Variants in AP5M1 observed in about 807,000 individuals in gnomAD.
The protein encoded by AP5M1 is adaptor related protein complex 5 subunit mu 1.
A neutral mutation model predicts 52.3 loss-of-function variants in AP5M1; 44 were observed. That is an observed-to-expected ratio of 0.84 (90% CI 0.66 to 1.08). The LOEUF is 1.08. Among genes scored for constraint, AP5M1 ranks in the 50% least tolerant of loss-of-function variants. AP5M1 has a pLI of 0.00. For missense variants in AP5M1, 526 were observed against 568.4 expected (o/e 0.93, Z 0.76); for synonymous variants, 213 against 199.0 (o/e 1.07, Z -0.59).
In AP5M1 at chr14:57,269,351, C is replaced by A; in HGVS notation, c.37C>A (p.Pro13Thr). The change falls in exon 1 of 8, where the codon CCG (proline) becomes ACG (threonine). Residue 13 changes from proline (P) to threonine (T), a missense_variant. Transcript: ENST00000261558. Reference protein sequence around the residue: ...QRAVWLISHEPGTPLCGTVRF... With the variant: ...QRAVWLISHETGTPLCGTVRF... ...GGCAGTGTGGCTCATAAGCCACGAACCGGGAACTCCACTTTGTGGCACCGT... is the reference window on the plus strand; with the variant it reads ...GGCAGTGTGGCTCATAAGCCACGAAACGGGAACTCCACTTTGTGGCACCGT... 6.2e-7 allele frequency: 1 copy of A among 1,614,138 alleles called. No individual in the cohort carries two copies. The highest frequency in any genetic ancestry group is 8.5e-7 in the Non-Finnish European group (1 of 1,180,016).
At position 57,289,383 on chromosome 14, in the gene AP5M1, C is replaced by G. The variant is rs772809492; in HGVS notation, c.*499C>G. The G allele has an allele frequency of 3.3e-5, 5 of 152,086 alleles. No individual in the cohort carries two copies. Among genetic ancestry groups the G allele is most frequent in the Non-Finnish European group, 7.3e-5 (5 of 68,060 alleles). The allele number at this position is 152,086 out of a possible 1,614,324, so 9.4% of individuals were successfully genotyped here. On this transcript the variant is annotated 3_prime_UTR_variant, in exon 8 of 8. Coordinates refer to ENST00000261558, the MANE Select transcript of AP5M1 (RefSeq NM_018229.4). The stretch of plus-strand genomic sequence containing the variant: ...TAGTATAAGGTGTTGTTACAGAATA[C>G]CAGAGACCATGTTAGAGACAACTAC...
intron 2 of AP5M1, chr14:57,278,356 T>C (rs1885089136): frequency 6.6e-6 from 1 of 152,194 alleles, no homozygotes; most frequent in African/African-American, 2.4e-5. Flanking sequence ...GAAACTGCCA[T>C]ATCTGTCTGT....
chr14:57,276,004 G>C (rs1035932558), intron 2 of AP5M1, among the ~76,000 whole-genome samples: 1 of 151,920 alleles, frequency 6.6e-6, no homozygotes, highest in South Asian at 2.1e-4. Flanking sequence ...AAATATTATA[G>C]AATAAAACTA....
intron 6 of AP5M1, among the ~76,000 whole-genome samples, chr14:57,284,926 A>C (rs1348679280): frequency 6.6e-5 from 10 of 152,192 alleles, no homozygotes; most frequent in Non-Finnish European, 4.4e-5. Flanking sequence ...GGGTAGCTAA[A>C]AATCTAAAGC....
rs1885567453 is a variant in AP5M1 at position 57,297,018 on chromosome 14, A to G, written c.*8134A>G. The G allele has an allele frequency of 6.6e-6, 1 of 152,016 alleles. No individual in the cohort carries two copies. Among genetic ancestry groups the G allele is most frequent in the African/African-American group, 2.4e-5 (1 of 41,398 alleles). The allele number at this position is 152,016 out of a possible 1,614,324, so 9.4% of individuals were successfully genotyped here. On this transcript the variant is annotated 3_prime_UTR_variant, in exon 8 of 8. Coordinates refer to ENST00000261558, the MANE Select transcript of AP5M1 (RefSeq NM_018229.4). ...AAAGGGCACACCGTGGGGGCAGCAT[A>G]TCTCCATGGGTCTATCTCTAGCAAA...
intron 6 of AP5M1, among the ~76,000 whole-genome samples, chr14:57,284,333 A>T (rs1171354657): frequency 6.6e-6 from 1 of 152,208 alleles, no homozygotes; most frequent in African/African-American, 2.4e-5. Flanking sequence ...TTAGATTAAG[A>T]TTATAGAGGG....
At chr14:57,284,057 G>T (rs1022671406) in intron 6 of AP5M1, among the ~76,000 whole-genome samples, 2 of 152,180 alleles carry the variant, frequency 1.3e-5, no homozygotes, top group African/African-American at 4.8e-5. Flanking sequence ...GAATTTTTCA[G>T]TGTTGCACAT....
intron 6 of AP5M1, among the ~76,000 whole-genome samples, chr14:57,284,058 T>C (rs1292605189): frequency 4.6e-5 from 7 of 152,210 alleles, no homozygotes. Context: ...AATTTTTCAG[T>C]GTTGCACATC....
rs1436353989 is a variant in AP5M1 at position 57,296,599 on chromosome 14, A to G, written c.*7715A>G. ...AGTAATATTTGTAGCTTGTTAACCAACTGGAGCAAAAGGACTTTTTAATAT... is the reference window on the plus strand; with the variant it reads ...AGTAATATTTGTAGCTTGTTAACCAGCTGGAGCAAAAGGACTTTTTAATAT... On this transcript the variant is annotated 3_prime_UTR_variant, in exon 8 of 8. Coordinates refer to ENST00000261558, the MANE Select transcript of AP5M1 (RefSeq NM_018229.4). 6.6e-6 allele frequency: 1 copy of G among 152,098 alleles called. No homozygotes were observed. The highest frequency in any genetic ancestry group is 1.5e-5 in the Non-Finnish European group (1 of 67,980). 9.4% of individuals were successfully genotyped at this position (152,098 alleles called of 1,614,324 possible). A position where few individuals can be genotyped will look rare whatever the true frequency, so the allele number is the denominator to read the frequency against.
chr14:57,269,220 G>A lies in AP5M1; in HGVS notation c.-95G>A, dbSNP rs1300662882. ...TATGCGGCGCAGGATGAGCCTCAGG[G>A]CTTCTGTTAAGAGTCTGTCTGAGAA... On this transcript the variant is annotated 5_prime_UTR_variant, in exon 1 of 8. Coordinates refer to ENST00000261558, the MANE Select transcript of AP5M1 (RefSeq NM_018229.4). 4.1e-6 allele frequency: 5 copies of A among 1,206,152 alleles called. No homozygotes were observed. Among genetic ancestry groups the A allele is most frequent in the African/African-American group, 1.5e-5 (1 of 65,872 alleles). The allele number at this position is 1,206,152 out of a possible 1,614,324, so 74.7% of individuals were successfully genotyped here.
In AP5M1 at chr14:57,298,732, T is replaced by C. The variant is rs940187398; in HGVS notation, c.*9848T>C. 2.0e-5 allele frequency: 3 copies of C among 152,206 alleles called. No individual in the cohort carries two copies. Among genetic ancestry groups the C allele is most frequent in the Non-Finnish European group, 4.4e-5 (3 of 68,036 alleles). The allele number at this position is 152,206 out of a possible 1,614,324, so 9.4% of individuals were successfully genotyped here. On this transcript the variant is annotated 3_prime_UTR_variant, in exon 8 of 8. Transcript: ENST00000261558. ...GGGTGTTTGGAGTTAATAAAATGGC[T>C]GTACAATTGAGTGGGTGTAAGTGTT...
chr14:57,283,160 C>A lies in AP5M1; in HGVS notation c.1223C>A (p.Thr408Asn). The change falls in exon 6 of 8, where the codon ACT (threonine) becomes AAT (asparagine). Residue 408 changes from threonine (T) to asparagine (N), a missense_variant. Transcript: ENST00000261558. ...GAAATTAGTCTTTCTGGAACTGTAA[C>A]TTTTGGAGCCAAGAGCCATGAGAAG... ...SMEISLSGTV[T>N]FGAKSHEKQP... 2 of 1,613,802 alleles carry A rather than the reference C, an allele frequency of 1.2e-6. No homozygotes were observed. Among genetic ancestry groups the A allele is most frequent in the East Asian group, 4.5e-5 (2 of 44,832 alleles).
intron 1 of AP5M1, chr14:57,271,381 C>G (rs1884892674): frequency 6.6e-6 from 1 of 152,216 alleles, no homozygotes; most frequent in Admixed American, 6.5e-5. Flanking sequence ...TCCCGTATCT[C>G]CATTCTTTCC....
intron 1 of AP5M1, among the ~76,000 whole-genome samples, chr14:57,272,474 G>A (rs940562298): frequency 2.6e-5 from 4 of 152,098 alleles, no homozygotes; most frequent in Admixed American, 6.5e-5. Context: ...GGCTTAGGTC[G>A]GTATCATACC....
intron 3 of AP5M1, among the ~76,000 whole-genome samples, 155 bp from the exon 4 acceptor site, chr14:57,281,934 C>T (rs774122822): frequency 6.6e-6 from 1 of 152,124 alleles, no homozygotes; most frequent in African/African-American, 2.4e-5. Context: ...AGAGAAGAAT[C>T]CCTATCCTTA....
chr14:57,283,554 C>T lies in AP5M1; in HGVS notation c.1293+324C>T, dbSNP rs1342243973. On this transcript the variant is annotated intron_variant, in intron 6 of 7. Coordinates refer to ENST00000261558, the MANE Select transcript of AP5M1 (RefSeq NM_018229.4). ...CAGTGAGCTAAATTGTGCCACTGCA[C>T]TGCAACCTGGACAACAGAGTGCGAC... Among the ~76,000 whole-genome samples, 9 of 152,210 alleles carry T rather than the reference C, an allele frequency of 5.9e-5. No individual in the cohort carries two copies. In the East Asian group the frequency reaches 1.5e-3, roughly 26 times the overall value.
chr14:57,279,086 A>G (rs1490866966), intron 2 of AP5M1, among the ~76,000 whole-genome samples: 1 of 152,190 alleles, frequency 6.6e-6, no homozygotes, highest in Non-Finnish European at 1.5e-5. Context: ...GTTGGTGAGG[A>G]TGTAAATTAG....
chr14:57,296,407 C>T lies in AP5M1; in HGVS notation c.*7523C>T, dbSNP rs1322634953. 16 of 151,970 alleles carry T rather than the reference C, an allele frequency of 1.1e-4. No individual in the cohort carries two copies. Among genetic ancestry groups the T allele is most frequent in the Admixed American group, 7.9e-4 (12 of 15,214 alleles). 9.4% of individuals were successfully genotyped at this position (151,970 alleles called of 1,614,324 possible). ...GTTAGCCTGTTACTTTATTACTTACCATTTCTATAACATGTACATTTATAG... is the reference window on the plus strand; with the variant it reads ...GTTAGCCTGTTACTTTATTACTTACTATTTCTATAACATGTACATTTATAG... On this transcript the variant is annotated 3_prime_UTR_variant, in exon 8 of 8. Coordinates refer to ENST00000261558, the MANE Select transcript of AP5M1 (RefSeq NM_018229.4).
intron 7 of AP5M1, among the ~76,000 whole-genome samples, chr14:57,287,098 A>G (rs184591335): frequency 6.6e-6 from 1 of 152,242 alleles, no homozygotes; most frequent in African/African-American, 2.4e-5. Context: ...GATCAAATAG[A>G]AATATGTAAC....
Sources: allele counts gnomAD v4.1 joint callset (sites outside exome capture counted in the v4.1 genomes callset), GRCh38; gene constraint gnomAD v4.1.1; transcripts MANE v1.5; gene names NCBI Gene and HGNC (gene_info 2026-07-23, HGNC 2026-07-21).